GOLGA4: variants seen among roughly 807,000 people sequenced by gnomAD.
The protein encoded by GOLGA4 is golgin subfamily A member 4.
GOLGA4 carries 169 observed loss-of-function variants against 265.9 expected under a neutral mutation model. That is an observed-to-expected ratio of 0.64 (90% CI 0.56 to 0.72). The LOEUF is 0.72. GOLGA4 is among the 30% of genes least tolerant of loss of function. The probability of loss-of-function intolerance (pLI) is 0.00; values close to 1 mark genes in which losing one functional copy is unlikely to be tolerated. For synonymous variants in GOLGA4, 923 were observed against 855.8 expected, an observed-to-expected ratio of 1.08 and a Z score of -1.37; for missense variants, 2,482 against 2,483.4, an observed-to-expected ratio of 1.00 and a Z score of 0.01.
chr3:37,271,889 T>C (rs896670251), intron 2 of GOLGA4, among the ~76,000 whole-genome samples: 10 of 152,194 alleles, frequency 6.6e-5, no homozygotes, highest in African/African-American at 2.4e-4. Context: ...CTGCCTCCTG[T>C]TAGATCAGTG....
intron 2 of GOLGA4, among the ~76,000 whole-genome samples, chr3:37,273,852 A>G (rs1283686990): frequency 6.6e-6 from 1 of 152,236 alleles, no homozygotes; most frequent in Non-Finnish European, 1.5e-5. Flanking sequence ...CTGTAATCCC[A>G]GCACTTTGGG....
chr3:37,315,703 C>A, intron 11 of GOLGA4, 105 bp downstream of exon 11: 1 of 963,196 alleles, frequency 1.0e-6, no homozygotes, highest in Non-Finnish European at 1.6e-6. Flanking sequence ...GTATTTTAGA[C>A]ATTGACTGTT....
intron 10 of GOLGA4, among the ~76,000 whole-genome samples, chr3:37,305,028 C>A (rs1444285637): frequency 6.6e-6 from 1 of 152,116 alleles, no homozygotes; most frequent in Non-Finnish European, 1.5e-5. Flanking sequence ...AAGTGATTCT[C>A]GTGCCTCAGG....
rs2096804485 is a variant in GOLGA4 at position 37,273,487 on chromosome 3, CT to C, written c.163-8468del. 6.0e-6 allele frequency: 6 copies of C among 1,003,956 alleles called. No individual in the cohort carries two copies. In the East Asian group the frequency reaches 1.6e-4, roughly 26 times the overall value. 62.2% of individuals were successfully genotyped at this position (1,003,956 alleles called of 1,614,324 possible). The stretch of plus-strand genomic sequence containing the variant: ...GGCTTTATTCTTAACAGTTTTAAAC[CT>C]TTAGTTTTTTGTTCTTTTGCTTTAC... On this transcript the variant is annotated intron_variant, in intron 2 of 23. Coordinates refer to ENST00000361924, the MANE Select transcript of GOLGA4 (RefSeq NM_002078.5).
At position 37,248,650 on chromosome 3, in the gene GOLGA4, C is replaced by T. The variant is rs1024958360; in HGVS notation, c.73-2745C>T. Among the ~76,000 whole-genome samples the T allele has an allele frequency of 3.3e-5, 5 of 152,174 alleles. No homozygotes were observed. The East Asian group carries it at 9.6e-4, about 29-fold the overall frequency. Reference sequence around the variant, plus strand: ...GGAAGATCAACAAGTCATCAGGCCACGTTTTGCCAGATAGTACTACTTTTC... The same window carrying T: ...GGAAGATCAACAAGTCATCAGGCCATGTTTTGCCAGATAGTACTACTTTTC... On this transcript the variant is annotated intron_variant, in intron 1 of 23. Transcript: ENST00000361924.
In GOLGA4 at chr3:37,282,270, G is replaced by A; in HGVS notation, c.475G>A (p.Glu159Lys). ...AAGTAGCTACAGGGGAAAATATTCT[G>A]AGGTAGGAGCATGACCTTTTTGCCT... is the stretch of plus-strand genomic sequence containing the variant. ...SLSSYRGKYS[E>K]LVTAYQMLQR... Residue 159 changes from glutamate to lysine, a missense_variant and splice_region_variant, in exon 3 of 24, where the codon GAG becomes AAG. Glu to Lys is a moderately conservative substitution (Grantham distance 56, BLOSUM62 1). This residue lies in a region of GOLGA4 where 1,536 missense variants were observed against 1,483.7 expected (regional missense o/e 1.04). Transcript: ENST00000361924. 6.2e-7 allele frequency: 1 copy of A among 1,612,280 alleles called. No individual in the cohort carries two copies. Among genetic ancestry groups the A allele is most frequent in the South Asian group, 1.1e-5 (1 of 90,974 alleles).
Position 37,326,207 on chromosome 3 carries a change from A to C in GOLGA4, c.4321A>C (p.Lys1441Gln), listed in dbSNP as rs140736567. ...TGAGCAGGTAGATGACTGGTCCAAT[A>C]AATTCTCAGAATGGAAGAAGAAAGC... ...ALEQVDDWSN[K>Q]FSEWKKKAQS... The change falls in exon 14 of 24, where the codon AAA (lysine) becomes CAA (glutamine). Residue 1441 changes from lysine (K) to glutamine (Q), a missense_variant. Physicochemically the swap from Lys to Gln is moderately conservative, Grantham distance 53. Transcript: ENST00000361924. The C allele has an allele frequency of 2.9e-5, 46 of 1,613,606 alleles. No individual in the cohort carries two copies. The African/African-American group carries it at 5.9e-4, about 21-fold the overall frequency.
In GOLGA4 at chr3:37,327,541, G is replaced by C. The variant is rs766155348; in HGVS notation, c.5655G>C (p.Gln1885His). The C allele has an allele frequency of 3.1e-6, 5 of 1,613,636 alleles. No homozygotes were observed. The highest frequency in any genetic ancestry group is 4.2e-6 in the Non-Finnish European group (5 of 1,179,760). The change falls in exon 14 of 24, where the codon CAG becomes CAC. Residue 1885 changes from glutamine (Q) to histidine (H), a missense_variant. Gln to His is a conservative substitution (Grantham distance 24). This residue lies in a region of GOLGA4 where 942 missense variants were observed against 983.1 expected (regional missense o/e 0.96). Transcript: ENST00000361924. ...EELTSKYEKL[Q>H]ALQQMDGRNK... ...TGACCTCAAAATATGAAAAATTACA[G>C]GCTTTACAACAGATGGATGGAAGAA... is the stretch of plus-strand genomic sequence containing the variant.
chr3:37,254,754 G>A (rs544043752), intron 2 of GOLGA4, among the ~76,000 whole-genome samples: 5 of 150,870 alleles, frequency 3.3e-5, no homozygotes, highest in South Asian at 2.1e-4. Context: ...TGCCTGCCTC[G>A]GCCTCCCAAA....
chr3:37,260,228 A>G (rs1397954917), intron 2 of GOLGA4, among the ~76,000 whole-genome samples: 1 of 151,898 alleles, frequency 6.6e-6, no homozygotes, highest in Non-Finnish European at 1.5e-5. Flanking sequence ...GTTGGGCCTC[A>G]TTCGAAGCCA....
Position 37,289,949 on chromosome 3 carries a change from A to G in GOLGA4, c.582+658A>G, listed in dbSNP as rs1458190783. 3.3e-5 allele frequency among the ~76,000 whole-genome samples: 5 copies of G among 152,138 alleles called. No individual in the cohort carries two copies. In the East Asian group the frequency reaches 9.6e-4, roughly 29 times the overall value. On this transcript the variant is annotated intron_variant, in intron 5 of 23. Coordinates refer to ENST00000361924, the MANE Select transcript of GOLGA4 (RefSeq NM_002078.5). ...ATTGTTTGTTGAAGAATATCTTGTT[A>G]CCTATTTTTGTTATGAGTGTTCTTC...
intron 2 of GOLGA4, among the ~76,000 whole-genome samples, chr3:37,277,400 T>C (rs141271928): frequency 0.038 from 5,834 of 152,272 alleles, 141 homozygotes; most frequent in African/African-American, 0.056. Flanking sequence ...CTTCCCACTA[T>C]TTTTTTCCCC....
At chr3:37,349,237 A>G (rs1016967092) in intron 21 of GOLGA4, among the ~76,000 whole-genome samples, 1 of 152,120 alleles carries the variant, frequency 6.6e-6, no homozygotes, top group Admixed American at 6.6e-5. Flanking sequence ...TACCATCTCT[A>G]ACTTTAAGGC....
At chr3:37,254,052 C>A (rs536719721) in intron 2 of GOLGA4, among the ~76,000 whole-genome samples, 1 of 151,924 alleles carries the variant, frequency 6.6e-6, no homozygotes, top group South Asian at 2.1e-4. Context: ...CAACATAATT[C>A]TGCACTATTT....
chr3:37,334,439 T>C (rs2097002506), intron 16 of GOLGA4, among the ~76,000 whole-genome samples: 1 of 151,990 alleles, frequency 6.6e-6, no homozygotes, highest in Admixed American at 6.6e-5. Context: ...GGTAAATACA[T>C]AGGAGATGTG....
intron 2 of GOLGA4, among the ~76,000 whole-genome samples, chr3:37,259,271 C>G (rs998273933): frequency 2.0e-5 from 3 of 152,190 alleles, no homozygotes; most frequent in African/African-American, 7.2e-5. Flanking sequence ...TAAATTTGGC[C>G]TGAGCCTACC....
intron 20 of GOLGA4, 72 bp downstream of exon 20, chr3:37,340,271 T>G: frequency 1.6e-6 from 1 of 615,010 alleles, no homozygotes; most frequent in Non-Finnish European, 2.8e-6. Flanking sequence ...TTTTTATTTT[T>G]GTTTTTGCTA....
In GOLGA4 at chr3:37,325,132, A is replaced by T. The variant is rs752204845; in HGVS notation, c.3246A>T (p.Leu1082=). 1 of 1,613,558 alleles carries T rather than the reference A, an allele frequency of 6.2e-7. No homozygotes were observed. Among genetic ancestry groups the T allele is most frequent in the Non-Finnish European group, 8.5e-7 (1 of 1,179,664 alleles). ...CAGAACTGAAACAAAAGATCCTCCT[A>T]TTTGGGTGTGAAAAAGAAGAGATGA... ...EVAELKQKIL[L]FGCEKEEMNK... Residue 1082 remains leucine (L), a synonymous_variant, in exon 14 of 24, where the codon CTA becomes CTT. Transcript: ENST00000361924.
chr3:37,326,893 T>C lies in GOLGA4; in HGVS notation c.5007T>C (p.Gly1669=), dbSNP rs1398783858. 12 of 1,613,552 alleles carry C rather than the reference T, an allele frequency of 7.4e-6. No homozygotes were observed. Among genetic ancestry groups the C allele is most frequent in the Non-Finnish European group, 1.0e-5 (12 of 1,179,674 alleles). ...MEEKEEQYKK[G]TESHLSELNT... is the part of the protein sequence containing the mutation. ...AGAAAGAAGAACAGTATAAAAAAGG[T>C]ACAGAAAGCCATTTGAGTGAGCTAA... The change falls in exon 14 of 24, where the codon GGT becomes GGC. Residue 1669 remains glycine (G), a synonymous_variant. Coordinates refer to ENST00000361924, the MANE Select transcript of GOLGA4 (RefSeq NM_002078.5).
Sources: allele counts gnomAD v4.1 joint callset (sites outside exome capture counted in the v4.1 genomes callset), GRCh38; gene constraint gnomAD v4.1.1; regional missense constraint gnomAD v4.1.1; transcripts MANE v1.5; gene names NCBI Gene and HGNC (gene_info 2026-07-23, HGNC 2026-07-21).